DAAM2: variants seen among roughly 807,000 people sequenced by gnomAD.
The protein encoded by DAAM2 is dishevelled associated activator of morphogenesis 2, also known as disheveled-associated activator of morphogenesis 2.
Under a neutral mutation model 120.7 loss-of-function variants are expected in DAAM2, and 39 were observed. That is an observed-to-expected ratio of 0.32 (90% confidence interval 0.25 to 0.42). The LOEUF (loss-of-function observed/expected upper bound fraction) is 0.42. DAAM2 is among the 10% of genes least tolerant of loss of function. The pLI is 1.00. For missense variants in DAAM2, 1,283 were observed against 1,401.7 expected (o/e 0.92, Z 1.35); for synonymous variants, 488 against 524.9 (o/e 0.93, Z 0.96).
At position 39,810,115 on chromosome 6, in the gene DAAM2, C is replaced by T. The variant is rs574835526; in HGVS notation, c.-57+17650C>T. ...CTTCCAGTCTCTTTAATAAGCTTCT[C>T]GGAAAGTCCTGGCCATACACATCAA... On this transcript the variant is annotated intron_variant, in intron 1 of 24. Transcript: ENST00000274867. Among the ~76,000 whole-genome samples, 8 of 152,292 alleles carry T rather than the reference C, an allele frequency of 5.3e-5. No homozygotes were observed. The East Asian group carries it at 1.4e-3, about 26-fold the overall frequency.
In DAAM2 at chr6:39,804,522, C is replaced by CCGTG. The variant is rs34256990; in HGVS notation, c.-57+12057_-57+12058insCGTG. Reference sequence around the variant, plus strand: ...ACTGGTCCAGAAAGAGAGATCAGTTCTGTGTGTGTGTGTGTGTGTGTGTGT... The same window carrying CCGTG: ...ACTGGTCCAGAAAGAGAGATCAGTTCCGTGTGTGTGTGTGTGTGTGTGTGTGTGT... On this transcript the variant is annotated intron_variant, in intron 1 of 24. Transcript: ENST00000274867. Among the ~76,000 whole-genome samples the CCGTG allele has an allele frequency of 5.4e-4, 80 of 149,452 alleles. 3 individuals are homozygous for CCGTG. The South Asian group carries it at 0.016, about 29-fold the overall frequency.
At chr6:39,823,475 G>A (rs1302749780) in intron 1 of DAAM2, among the ~76,000 whole-genome samples, 1 of 152,152 alleles carries the variant, frequency 6.6e-6, no homozygotes, top group Non-Finnish European at 1.5e-5. Flanking sequence ...AGATTGGTGT[G>A]CTCTGCTCTG....
chr6:39,888,172 C>T lies in DAAM2; in HGVS notation c.2061-507C>T, dbSNP rs74840002. On this transcript the variant is annotated intron_variant, in intron 16 of 24. Coordinates refer to ENST00000274867, the MANE Select transcript of DAAM2 (RefSeq NM_001201427.2). ...GAAGGGCTATGGGGGTGTGTGGCTT[C>T]TCCCTCTCCCAGACAGCAAGACTGA... The T allele has an allele frequency of 1.2e-3, 190 of 156,272 alleles. 8 individuals carry two copies. In the East Asian group the frequency reaches 0.031, roughly 26 times the overall value. 9.7% of individuals were successfully genotyped at this position (156,272 alleles called of 1,614,324 possible).
chr6:39,839,895 G>A (rs987711959), intron 1 of DAAM2, among the ~76,000 whole-genome samples: 10 of 152,204 alleles, frequency 6.6e-5, no homozygotes, highest in African/African-American at 2.4e-4. Context: ...GGGTGCGGGA[G>A]TACCTGTGTG....
At chr6:39,839,386 G>A (rs1763236879) in intron 1 of DAAM2, among the ~76,000 whole-genome samples, 1 of 152,188 alleles carries the variant, frequency 6.6e-6, no homozygotes, top group Admixed American at 6.5e-5. Flanking sequence ...TTTCGTAAAT[G>A]CACTAGGTAG....
chr6:39,845,491 A>G (rs934556224), intron 1 of DAAM2, among the ~76,000 whole-genome samples: 1 of 146,736 alleles, frequency 6.8e-6, no homozygotes, highest in African/African-American at 2.6e-5. Flanking sequence ...TATACCACAC[A>G]TGCGCATACA....
Position 39,888,839 on chromosome 6 carries a change from G to A in DAAM2, c.2145+76G>A, listed in dbSNP as rs945605879. ...GCCCCTTCCCAACAGCCCCCAGGAG[G>A]CTGCGATTCTTGGGTCAAGGAGAAA... On this transcript the variant is annotated intron_variant, in intron 17 of 24. Coordinates refer to ENST00000274867, the MANE Select transcript of DAAM2 (RefSeq NM_001201427.2). The A allele has an allele frequency of 1.1e-5, 12 of 1,123,284 alleles. No homozygotes were observed. In the African/African-American group the frequency reaches 1.8e-4, roughly 17 times the overall value. 69.6% of individuals were successfully genotyped at this position (1,123,284 alleles called of 1,614,324 possible). A position where few individuals can be genotyped will look rare whatever the true frequency, so the allele number is the denominator to read the frequency against.
At chr6:39,823,988 C>T (rs9462572) in intron 1 of DAAM2, among the ~76,000 whole-genome samples, 45,389 of 151,870 alleles carry the variant, frequency 0.3, 7,282 homozygotes, top group African/African-American at 0.41. Context: ...TCAGCTGGGC[C>T]CTGGGTGGTC....
rs566998781 is a variant in DAAM2, at chr6:39,902,343, T to C, written c.*306T>C. On this transcript the variant is annotated 3_prime_UTR_variant, in exon 25 of 25. Transcript: ENST00000274867. Reference sequence around the variant, plus strand: ...GGGCCCTGCTCCCCATCCCCTACCATGGGCACCCATGTGCTGGCACAGAAC... The same window carrying C: ...GGGCCCTGCTCCCCATCCCCTACCACGGGCACCCATGTGCTGGCACAGAAC... The C allele has an allele frequency of 3.4e-5, 9 of 266,498 alleles. No individual in the cohort carries two copies. The South Asian group carries it at 1.1e-3, about 31-fold the overall frequency. 16.5% of individuals were successfully genotyped at this position (266,498 alleles called of 1,614,324 possible). A position where few individuals can be genotyped will look rare whatever the true frequency, so the allele number is the denominator to read the frequency against.
chr6:39,885,593 G>A (rs1212419747), intron 15 of DAAM2: 7 of 152,338 alleles, frequency 4.6e-5, no homozygotes. Flanking sequence ...TTGGTGAGTT[G>A]AGAAGAGTTA....
chr6:39,862,847 A>G (rs1359278479), intron 3 of DAAM2: 1 of 152,036 alleles, frequency 6.6e-6, no homozygotes, highest in Non-Finnish European at 1.5e-5. Flanking sequence ...GATTTATTAA[A>G]ATAGAAGGCA....
At chr6:39,879,005 T>C (rs1764994832) in intron 13 of DAAM2, among the ~76,000 whole-genome samples, 173 bp from the exon 14 acceptor site, 1 of 151,988 alleles carries the variant, frequency 6.6e-6, no homozygotes, top group African/African-American at 2.4e-5. Flanking sequence ...TGTTTGCGTG[T>C]GTTAGATGTT....
rs775297056 is a variant in DAAM2 at position 39,901,337 on chromosome 6, C to A, written c.2847C>A (p.Asp949Glu). Residue 949 changes from aspartate to glutamate, a missense_variant, in exon 24 of 25, where the codon GAC (aspartate) becomes GAA (glutamate). This residue lies in a region of DAAM2 where 748 missense variants were observed against 768.6 expected (regional missense o/e 0.97). Transcript: ENST00000274867. This position sits in a 1 kb window ranked among gnomAD's most constrained non-coding sequence, Gnocchi z 4.5. ...CCTTGATGCACTTCGGGGAGCATGA[C>A]AGCAAGATGCAGCCAGACGAATTCT... ...AKALMHFGEH[D>E]SKMQPDEFFG... 6.2e-7 allele frequency: 1 copy of A among 1,613,960 alleles called. No homozygotes were observed. The highest frequency in any genetic ancestry group is 1.1e-5 in the South Asian group (1 of 91,076).
intron 10 of DAAM2, among the ~76,000 whole-genome samples, 200 bp from the exon 11 acceptor site, chr6:39,875,130 C>G (rs565305875): frequency 6.6e-6 from 1 of 152,246 alleles, no homozygotes; most frequent in East Asian, 1.9e-4. Flanking sequence ...CCGTAGAAGT[C>G]TAGTTGCCGA....
intron 1 of DAAM2, among the ~76,000 whole-genome samples, chr6:39,847,307 G>A (rs1246115143): frequency 1.3e-5 from 2 of 152,164 alleles, no homozygotes; most frequent in African/African-American, 2.4e-5. Flanking sequence ...AGGCCTCAGC[G>A]ATGGGTTGCT....
At chr6:39,846,711 T>G (rs1763606678) in intron 1 of DAAM2, among the ~76,000 whole-genome samples, 1 of 152,118 alleles carries the variant, frequency 6.6e-6, no homozygotes, top group South Asian at 2.1e-4. Context: ...TTTTTTTTTT[T>G]TTTGAGACGG....
chr6:39,825,109 G>T (rs1762620213), intron 1 of DAAM2, among the ~76,000 whole-genome samples: 1 of 152,136 alleles, frequency 6.6e-6, no homozygotes, highest in Admixed American at 6.5e-5. Context: ...TCTTTGTCAG[G>T]CTGGGTGCGG....
chr6:39,903,375 T>C lies in DAAM2; in HGVS notation c.*1338T>C, dbSNP rs898079580. On this transcript the variant is annotated 3_prime_UTR_variant, in exon 25 of 25. Coordinates refer to ENST00000274867, the MANE Select transcript of DAAM2 (RefSeq NM_001201427.2). Reference sequence around the variant, plus strand: ...CCCCATTTCTGGTACCCAATTTGGTTCTTCAGCCCAACTTGCAAGGGGTTC... The same window carrying C: ...CCCCATTTCTGGTACCCAATTTGGTCCTTCAGCCCAACTTGCAAGGGGTTC... The C allele has an allele frequency of 2.0e-5, 3 of 152,290 alleles. No individual in the cohort carries two copies. Among genetic ancestry groups the C allele is most frequent in the Non-Finnish European group, 2.9e-5 (2 of 68,090 alleles). The allele number at this position is 152,290 out of a possible 1,614,324, so 9.4% of individuals were successfully genotyped here.
At chr6:39,792,809 T>C (rs1448846017) in intron 1 of DAAM2, among the ~76,000 whole-genome samples, 1 of 152,164 alleles carries the variant, frequency 6.6e-6, no homozygotes, top group Non-Finnish European at 1.5e-5. Context: ...TTGTCACAAG[T>C]GGACAAACAC....
Sources: allele counts gnomAD v4.1 joint callset (sites outside exome capture counted in the v4.1 genomes callset), GRCh38; gene constraint gnomAD v4.1.1; regional missense constraint gnomAD v4.1.1; non-coding constraint Gnocchi (gnomAD v3.1); transcripts MANE v1.5; gene names NCBI Gene and HGNC (gene_info 2026-07-23, HGNC 2026-07-21).